Variants in IPCEF1 observed in about 807,000 individuals in gnomAD.
The protein encoded by IPCEF1 is interactor protein for cytohesin exchange factors 1.
Under a neutral mutation model 50.9 loss-of-function variants are expected in IPCEF1, and 31 were observed. The observed-to-expected ratio is 0.61, with a 90% CI of 0.46 to 0.82. IPCEF1 has a LOEUF of 0.82. IPCEF1 is among the 40% of genes least tolerant of loss of function. IPCEF1 has a pLI of 0.00. For synonymous variants in IPCEF1, 181 were observed against 192.0 expected (o/e 0.94, Z 0.47); for missense variants, 458 against 514.0 (o/e 0.89, Z 1.05).
At chr6:154,215,256 A>G (rs1278146357) in intron 7 of IPCEF1, among the ~76,000 whole-genome samples, 1 of 151,884 alleles carries the variant, frequency 6.6e-6, no homozygotes, top group East Asian at 1.9e-4. Context: ...AGGAATCCTT[A>G]CGCAACCCTC....
Position 154,168,259 on chromosome 6 carries a change from G to T in IPCEF1, c.911-146C>A. 1 of 589,920 alleles carries T rather than the reference G, an allele frequency of 1.7e-6. No homozygotes were observed. The highest frequency in any genetic ancestry group is 2.8e-6 in the Non-Finnish European group (1 of 353,688). The allele number at this position is 589,920 out of a possible 1,614,324, so 36.5% of individuals were successfully genotyped here. On this transcript the variant is annotated intron_variant, in intron 10 of 11. Coordinates refer to ENST00000367220, the MANE Select transcript of IPCEF1 (RefSeq NM_001130700.2). This position sits in a 1 kb window ranked among gnomAD's most constrained non-coding sequence, Gnocchi z 4.1. ...CGGAACTGAAAGACAATAAATGTTT[G>T]CTGTCTAAGCCACCCAGTTTGCGAT...
intron 5 of IPCEF1, among the ~76,000 whole-genome samples, chr6:154,231,564 G>A (rs968577410): frequency 6.6e-6 from 1 of 152,194 alleles, no homozygotes; most frequent in Non-Finnish European, 1.5e-5. Context: ...GCCATACAAC[G>A]CGTAGAGCAA....
intron 5 of IPCEF1, among the ~76,000 whole-genome samples, chr6:154,228,918 G>T (rs893397833): frequency 1.3e-5 from 2 of 152,160 alleles, no homozygotes; most frequent in Admixed American, 6.5e-5. Flanking sequence ...CAGAGTAAAG[G>T]GTTCCAAGGT....
intron 1 of IPCEF1, among the ~76,000 whole-genome samples, chr6:154,335,956 A>T: frequency 6.6e-6 from 1 of 152,234 alleles, no homozygotes. Context: ...AATGAAGGAA[A>T]AAACTGCAAT....
At chr6:154,337,249 A>C (rs1459966373) in intron 1 of IPCEF1, among the ~76,000 whole-genome samples, 1 of 152,228 alleles carries the variant, frequency 6.6e-6, no homozygotes, top group Non-Finnish European at 1.5e-5. Context: ...TCCTTCTCAA[A>C]ATAGAGCAAA....
chr6:154,239,990 C>T (rs974274910), intron 5 of IPCEF1, among the ~76,000 whole-genome samples: 14 of 152,338 alleles, frequency 9.2e-5, no homozygotes, highest in African/African-American at 3.1e-4. Context: ...GCGTGAGCCA[C>T]AGCACCCAAC....
At chr6:154,294,686 T>A (rs1339539060) in intron 1 of IPCEF1, among the ~76,000 whole-genome samples, 1 of 151,934 alleles carries the variant, frequency 6.6e-6, no homozygotes, top group Non-Finnish European at 1.5e-5. Context: ...TTGCTGAGAG[T>A]CCCTGTTTCC....
intron 10 of IPCEF1, among the ~76,000 whole-genome samples, chr6:154,177,900 C>T (rs1263331131): frequency 6.6e-6 from 1 of 152,108 alleles, no homozygotes; most frequent in South Asian, 2.1e-4. Context: ...AAATGTCCAT[C>T]AATAATAGAC....
In IPCEF1 at chr6:154,307,432, A is replaced by T. The variant is rs539651785; in HGVS notation, c.-61-17676T>A. On this transcript the variant is annotated intron_variant, in intron 1 of 11. Coordinates refer to ENST00000367220, the MANE Select transcript of IPCEF1 (RefSeq NM_001130700.2). ...CACATGCAACTGTGAGTTCTCCATT[A>T]AACCACTTTCCTTTGTAAATTGACC... Among the ~76,000 whole-genome samples, 16 of 152,328 alleles carry T rather than the reference A, an allele frequency of 1.1e-4. 1 individual carries two copies. The South Asian group carries it at 3.1e-3, about 30-fold the overall frequency.
intron 1 of IPCEF1, among the ~76,000 whole-genome samples, chr6:154,313,066 T>TAAAAAAAAA (rs1783120029): frequency 5.6e-4 from 5 of 8,994 alleles, no homozygotes; most frequent in Admixed American, 1.1e-3. Context: ...AGGCCCTGTC[T>TAAAAAAAAA]CAAAAAAAAA....
intron 5 of IPCEF1, among the ~76,000 whole-genome samples, chr6:154,232,982 T>C (rs1401195070): frequency 6.6e-6 from 1 of 151,404 alleles, no homozygotes; most frequent in Non-Finnish European, 1.5e-5. Context: ...TTTTTTTTTT[T>C]TTTGAGATGG....
At chr6:154,273,724 C>CTTTTTTTTCTTTTTTTTTTTTTTTTTT (rs1781961915) in intron 2 of IPCEF1, among the ~76,000 whole-genome samples, 2 of 63,316 alleles carry the variant, frequency 3.2e-5, no homozygotes, top group African/African-American at 1.1e-4. Context: ...TTCTTTCTTT[C>CTTTTTTTTCTTTTTTTTTTTTTTTTTT]TTTTTTTTTT....
In IPCEF1 at chr6:154,265,934, A is replaced by G. The variant is rs754476941; in HGVS notation, c.14T>C (p.Met5Thr). ...TACAAGAGCACTGCCATCAATAGCC[A>G]TGTATGATGTCATCTTAGTAGAAAC... MTSYMAIDGSALQVP... is the reference protein window; with the variant it reads MTSYTAIDGSALQVP... Residue 5 changes from methionine to threonine, a missense_variant, in exon 3 of 12, where the codon ATG (methionine) becomes ACG (threonine). Met to Thr is a moderately conservative substitution (Grantham distance 81). Coordinates refer to ENST00000367220, the MANE Select transcript of IPCEF1 (RefSeq NM_001130700.2). 7.9e-5 allele frequency: 126 copies of G among 1,602,860 alleles called. No individual in the cohort carries two copies. The highest frequency in any genetic ancestry group is 2.1e-4 in the Admixed American group (12 of 58,478).
chr6:154,212,362 T>A (rs1212377195), intron 9 of IPCEF1, among the ~76,000 whole-genome samples: 1 of 152,258 alleles, frequency 6.6e-6, no homozygotes, highest in Non-Finnish European at 1.5e-5. Context: ...GCTCTCCTTT[T>A]TTCTTTCTGC....
intron 1 of IPCEF1, among the ~76,000 whole-genome samples, chr6:154,354,388 TCACCTCCAACCACCATCTCCACCAC>T (rs1562300231): frequency 2.6e-5 from 2 of 78,226 alleles, no homozygotes; most frequent in Non-Finnish European, 2.6e-5. Flanking sequence ...ACCTCCACCG[TCACCTCCAACCACCATCTCCACCAC>T]CACCTCCACC....
intron 7 of IPCEF1, 159 bp from the exon 8 acceptor site, chr6:154,214,435 T>C (rs1778220910): frequency 3.1e-6 from 2 of 653,130 alleles, no homozygotes; most frequent in South Asian, 3.5e-5. Flanking sequence ...CTAAGGCCTC[T>C]GGTTTCACAA....
chr6:154,216,598 A>G (rs1778412482), intron 7 of IPCEF1, among the ~76,000 whole-genome samples: 1 of 152,226 alleles, frequency 6.6e-6, no homozygotes, highest in African/African-American at 2.4e-5. Context: ...GGCCGGGCAC[A>G]GTGGCTCACA....
chr6:154,318,477 G>T (rs1412509569), intron 1 of IPCEF1, among the ~76,000 whole-genome samples: 3 of 152,122 alleles, frequency 2.0e-5, no homozygotes, highest in African/African-American at 7.2e-5. Flanking sequence ...ATAAGCCCCA[G>T]ATTGGGACCG....
At chr6:154,202,490 C>T (rs1583786077) in intron 9 of IPCEF1, among the ~76,000 whole-genome samples, 1 of 152,190 alleles carries the variant, frequency 6.6e-6, no homozygotes, top group East Asian at 1.9e-4. Flanking sequence ...CTGACACGTT[C>T]CCCTATTGTG....
Sources: gnomAD v4.1 joint callset for allele counts (sites outside exome capture counted in the v4.1 genomes callset) on GRCh38, gnomAD v4.1.1 for gene constraint, Gnocchi (gnomAD v3.1) non-coding constraint, MANE v1.5 for transcripts, NCBI Gene and HGNC (gene_info 2026-07-23, HGNC 2026-07-21) for gene names.